KDM4C: variants seen among roughly 807,000 people sequenced by gnomAD.
KDM4C encodes the protein lysine-specific demethylase 4C.
KDM4C carries 81 observed loss-of-function variants against 129.3 expected under a neutral mutation model. The ratio of observed to expected loss-of-function variants is 0.63; its 90% confidence interval spans 0.52 to 0.75. KDM4C has a LOEUF of 0.75. Among genes scored for constraint, KDM4C ranks in the 30% least tolerant of loss-of-function variants. The pLI is 0.00. For synonymous variants in KDM4C, 573 were observed against 456.1 expected (o/e 1.26, Z -3.26); for missense variants, 1,457 against 1,304.0 (o/e 1.12, Z -1.81).
At chr9:7,153,805 G>A (rs1012034720) in intron 19 of KDM4C, among the ~76,000 whole-genome samples, 3 of 152,172 alleles carry the variant, frequency 2.0e-5, no homozygotes, top group South Asian at 2.1e-4. Context: ...ACAAAGGTCA[G>A]AAAATAGGCA....
intron 19 of KDM4C, among the ~76,000 whole-genome samples, chr9:7,138,586 A>G (rs922663125): frequency 6.6e-6 from 1 of 152,132 alleles, no homozygotes; most frequent in Non-Finnish European, 1.5e-5. Flanking sequence ...GCACCAAAGC[A>G]GGAGGATTAT....
intron 1 of KDM4C, among the ~76,000 whole-genome samples, chr9:6,770,462 C>T (rs1052663345): frequency 6.6e-6 from 1 of 151,980 alleles, no homozygotes; most frequent in Admixed American, 6.6e-5. Context: ...GTCAAGGAAG[C>T]TGTGTATTGG....
chr9:7,142,337 T>C (rs1204315950), intron 19 of KDM4C, among the ~76,000 whole-genome samples: 1 of 152,234 alleles, frequency 6.6e-6, no homozygotes, highest in Non-Finnish European at 1.5e-5. Context: ...CAAGCTGTTC[T>C]GGAACTCCTA....
At chr9:6,834,477 C>G in intron 4 of KDM4C, 1 of 571,750 alleles carries the variant, frequency 1.7e-6, no homozygotes, top group Non-Finnish European at 3.3e-6. Context: ...TATTGCTACG[C>G]CCGTCGTCGA....
At chr9:6,844,888 A>G (rs1254619600) in intron 4 of KDM4C, among the ~76,000 whole-genome samples, 1 of 152,024 alleles carries the variant, frequency 6.6e-6, no homozygotes, top group South Asian at 2.1e-4. Flanking sequence ...GGGTTTCACC[A>G]TGTTGGTCAG....
At chr9:6,937,312 T>A (rs558041653) in intron 8 of KDM4C, among the ~76,000 whole-genome samples, 1 of 152,264 alleles carries the variant, frequency 6.6e-6, no homozygotes, top group South Asian at 2.1e-4. Context: ...AATTAAAATT[T>A]AAAAATAGCC....
intron 1 of KDM4C, among the ~76,000 whole-genome samples, chr9:6,769,117 T>G (rs1240929588): frequency 6.6e-6 from 1 of 152,138 alleles, no homozygotes; most frequent in Non-Finnish European, 1.5e-5. Context: ...TCAATACTCT[T>G]AAGTGAAGCT....
At chr9:7,119,882 G>T (rs1201151792) in intron 18 of KDM4C, among the ~76,000 whole-genome samples, 2 of 151,990 alleles carry the variant, frequency 1.3e-5, no homozygotes, top group Non-Finnish European at 2.9e-5. Context: ...CCTGATCTGA[G>T]CTCTCTTAAT....
chr9:7,009,709 A>G (rs986446042), intron 12 of KDM4C, among the ~76,000 whole-genome samples: 13 of 152,370 alleles, frequency 8.5e-5, no homozygotes, highest in African/African-American at 2.6e-4. Context: ...TTGACTATGT[A>G]GATGCCATGC....
intron 8 of KDM4C, among the ~76,000 whole-genome samples, chr9:6,963,630 G>C (rs1830387287): frequency 6.6e-6 from 1 of 152,218 alleles, no homozygotes; most frequent in Non-Finnish European, 1.5e-5. Flanking sequence ...ACAGTGGAGA[G>C]ACAGGACATC....
intron 1 of KDM4C, among the ~76,000 whole-genome samples, chr9:6,760,289 C>G (rs1288009162): frequency 6.6e-6 from 1 of 152,008 alleles, no homozygotes; most frequent in Non-Finnish European, 1.5e-5. Context: ...ATCAGTACTT[C>G]ATTCCTTTTA....
intron 17 of KDM4C, among the ~76,000 whole-genome samples, chr9:7,061,667 C>T (rs1831688650): frequency 6.6e-6 from 1 of 152,176 alleles, no homozygotes; most frequent in Non-Finnish European, 1.5e-5. Context: ...GGTCTCAGTG[C>T]TCCTTAGGGA....
chr9:7,007,567 C>G (rs969054949), intron 12 of KDM4C, among the ~76,000 whole-genome samples: 3 of 152,108 alleles, frequency 2.0e-5, no homozygotes, highest in African/African-American at 4.8e-5. Context: ...AAGATTGAAG[C>G]CTACATCAGG....
At chr9:6,833,563 G>C (rs1835305106) in intron 4 of KDM4C, among the ~76,000 whole-genome samples, 1 of 152,176 alleles carries the variant, frequency 6.6e-6, no homozygotes, top group African/African-American at 2.4e-5. Context: ...TGAGGTCTTG[G>C]CAAGTTATCT....
At chr9:6,751,848 TTAGG>T (rs1818071189) in intron 1 of KDM4C, among the ~76,000 whole-genome samples, 1 of 151,908 alleles carries the variant, frequency 6.6e-6, no homozygotes. Context: ...ATCAGAGCAA[TTAGG>T]TAGGGAGAAA....
At chr9:6,824,471 C>G (rs144096835) in intron 4 of KDM4C, among the ~76,000 whole-genome samples, 20 of 152,206 alleles carry the variant, frequency 1.3e-4, no homozygotes, top group East Asian at 1.9e-4. Flanking sequence ...TTTCTGAACT[C>G]TTTTACTCCA....
intron 19 of KDM4C, among the ~76,000 whole-genome samples, chr9:7,141,815 T>C (rs1841769228): frequency 6.6e-6 from 1 of 152,104 alleles, no homozygotes; most frequent in Admixed American, 6.6e-5. Flanking sequence ...TTTTTCTTTT[T>C]CTTTTACATA....
At position 6,939,995 on chromosome 9, in the gene KDM4C, T is replaced by C. The variant is rs188971119; in HGVS notation, c.922-40930T>C. ...CTACCTACCTTCCTTCCTTCCTTCC[T>C]TCCTTCCTTCCTTCCTTCCTTCCTT... On this transcript the variant is annotated intron_variant, in intron 8 of 21. Transcript: ENST00000381309. Among the ~76,000 whole-genome samples the C allele has an allele frequency of 1.2e-4, 14 of 119,804 alleles. No homozygotes were observed. In the East Asian group the frequency reaches 3.2e-3, roughly 27 times the overall value. The allele number at this position is 119,804 out of a possible 152,430, so 78.6% of individuals were successfully genotyped here. A position where few individuals can be genotyped will look rare whatever the true frequency, so the allele number is the denominator to read the frequency against.
chr9:7,110,192 A>G, intron 18 of KDM4C, among the ~76,000 whole-genome samples: 1 of 152,188 alleles, frequency 6.6e-6, no homozygotes, highest in African/African-American at 2.4e-5. Context: ...TATTGTACCA[A>G]ACTGGGAATC....
Sources: gnomAD v4.1 joint callset for allele counts (sites outside exome capture counted in the v4.1 genomes callset) on GRCh38, gnomAD v4.1.1 for gene constraint, MANE v1.5 for transcripts, NCBI Gene and HGNC (gene_info 2026-07-23, HGNC 2026-07-21) for gene names.